The following MLLT3 variants were observed in gnomAD, a reference collection of about 807,000 sequenced individuals.
The protein encoded by MLLT3 is MLLT3 super elongation complex subunit, also known as protein AF-9.
Under a neutral mutation model 53.2 loss-of-function variants are expected in MLLT3, and 4 were observed. The observed-to-expected ratio is 0.08, with a 90% confidence interval of 0.04 to 0.17. The LOEUF (loss-of-function observed/expected upper bound fraction) is 0.17. MLLT3 is among the 10% of genes least tolerant of loss of function. MLLT3 has a pLI of 1.00. For synonymous variants in MLLT3, 283 were observed against 230.6 expected, an observed-to-expected ratio of 1.23 and a Z score of -2.06; for missense variants, 569 against 684.0, an observed-to-expected ratio of 0.83 and a Z score of 1.87.
intron 5 of MLLT3, among the ~76,000 whole-genome samples, chr9:20,401,856 T>C (rs975407027): frequency 6.6e-6 from 1 of 152,204 alleles, no homozygotes; most frequent in African/African-American, 2.4e-5. Flanking sequence ...GGATATTGAA[T>C]AGATAACTAG....
At chr9:20,542,299 G>C (rs923050758) in intron 2 of MLLT3, among the ~76,000 whole-genome samples, 1 of 146,564 alleles carries the variant, frequency 6.8e-6, no homozygotes, top group African/African-American at 2.5e-5. Flanking sequence ...GCCGGACTGC[G>C]GACCGCAGTG....
intron 4 of MLLT3, among the ~76,000 whole-genome samples, chr9:20,443,948 A>G (rs1823622993): frequency 6.6e-6 from 1 of 152,214 alleles, no homozygotes; most frequent in South Asian, 2.1e-4. Flanking sequence ...AACTTTTCCA[A>G]TTGTATCACA....
rs151255813 is a variant in MLLT3 at position 20,464,413 on chromosome 9, G to A, written c.194-7627C>T. On this transcript the variant is annotated intron_variant, in intron 2 of 10. Transcript: ENST00000380338. Reference sequence around the variant, plus strand: ...ATAGAGCAATAAACGTAATTGACAGGTCCCCTGCACTTAATAAACTTATAT... The same window carrying A: ...ATAGAGCAATAAACGTAATTGACAGATCCCCTGCACTTAATAAACTTATAT... Among the ~76,000 whole-genome samples, 658 of 152,116 alleles carry A rather than the reference G, an allele frequency of 4.3e-3. 8 individuals are homozygous for A. Among genetic ancestry groups the A allele is most frequent in the African/African-American group, 0.015 (641 of 41,526 alleles).
chr9:20,560,159 G>A (rs1214383836), intron 2 of MLLT3, among the ~76,000 whole-genome samples: 5 of 152,008 alleles, frequency 3.3e-5, no homozygotes, highest in Admixed American at 3.3e-4. Context: ...GAGGGTTCTG[G>A]AATTATAAGC....
rs111948051 is a variant in MLLT3, at chr9:20,445,116, C to T, written c.420+3007G>A. 4.3e-3 allele frequency among the ~76,000 whole-genome samples: 654 copies of T among 152,036 alleles called. 5 individuals are homozygous for T. The highest frequency in any genetic ancestry group is 0.015 in the African/African-American group (615 of 41,460). On this transcript the variant is annotated intron_variant, in intron 4 of 10. Coordinates refer to ENST00000380338, the MANE Select transcript of MLLT3 (RefSeq NM_004529.4). ...AATTAAAAAAAAAAAGTTCGTCGGG[C>T]TAGATCTTAAATCAAATCCACAATT...
At chr9:20,537,235 A>G (rs1225667237) in intron 2 of MLLT3, among the ~76,000 whole-genome samples, 1 of 152,236 alleles carries the variant, frequency 6.6e-6, no homozygotes, top group Non-Finnish European at 1.5e-5. Context: ...GGCAAGAAAG[A>G]GCTAAGGCCA....
chr9:20,501,939 G>A (rs1825247274), intron 2 of MLLT3, among the ~76,000 whole-genome samples: 2 of 151,602 alleles, frequency 1.3e-5, no homozygotes, highest in African/African-American at 4.8e-5. Flanking sequence ...AAATTAGCTG[G>A]GGGTGGTGAC....
At chr9:20,562,127 T>C (rs950744661) in intron 2 of MLLT3, among the ~76,000 whole-genome samples, 1 of 152,168 alleles carries the variant, frequency 6.6e-6, no homozygotes, top group Non-Finnish European at 1.5e-5. Flanking sequence ...AAGCCATGCA[T>C]GTCAACATTT....
intron 2 of MLLT3, among the ~76,000 whole-genome samples, chr9:20,503,914 A>T (rs1458943699): frequency 6.6e-6 from 1 of 152,230 alleles, no homozygotes; most frequent in Non-Finnish European, 1.5e-5. Context: ...CATTTCTCAA[A>T]AGACGACATA....
intron 2 of MLLT3, among the ~76,000 whole-genome samples, chr9:20,511,306 T>G (rs537628462): frequency 1.7e-4 from 26 of 152,220 alleles, no homozygotes; most frequent in African/African-American, 5.8e-4. Context: ...CAAATGAAAC[T>G]GATCAGACCC....
intron 2 of MLLT3, among the ~76,000 whole-genome samples, chr9:20,568,147 G>C (rs1457802241): frequency 6.6e-6 from 1 of 152,130 alleles, no homozygotes; most frequent in East Asian, 1.9e-4. Context: ...ATCCGCCACT[G>C]AGATATTTAT....
intron 5 of MLLT3, among the ~76,000 whole-genome samples, chr9:20,371,091 G>A (rs1012095358): frequency 3.9e-5 from 6 of 152,206 alleles, no homozygotes; most frequent in Non-Finnish European, 5.9e-5. Context: ...CTAATCAAGA[G>A]CAAAGCCCTA....
Position 20,449,777 on chromosome 9 carries a change from C to T in MLLT3, c.277-1511G>A, listed in dbSNP as rs569871138. 7.9e-5 allele frequency among the ~76,000 whole-genome samples: 12 copies of T among 152,290 alleles called. No individual in the cohort carries two copies. The South Asian group carries it at 2.3e-3, about 29-fold the overall frequency. ...GACATGAAATCTACTTTTCCTCTCT[C>T]TTATCAGGATGCCATTCTCTCCTGG... On this transcript the variant is annotated intron_variant, in intron 3 of 10. Coordinates refer to ENST00000380338, the MANE Select transcript of MLLT3 (RefSeq NM_004529.4).
rs996941873 is a variant in MLLT3, at chr9:20,345,844, G to A, written c.*599C>T. On this transcript the variant is annotated 3_prime_UTR_variant, in exon 11 of 11. Transcript: ENST00000380338. ...TGTCCTGGAACTGGAAAAACAAAAG[G>A]TGGAAAATACAGACTGCAACGAGTT... is the stretch of plus-strand genomic sequence containing the variant. 4.4e-6 allele frequency: 1 copy of A among 225,928 alleles called. No individual in the cohort carries two copies. Among genetic ancestry groups the A allele is most frequent in the African/African-American group, 2.2e-5 (1 of 44,894 alleles). The allele number at this position is 225,928 out of a possible 1,614,324, so 14.0% of individuals were successfully genotyped here.
chr9:20,356,312 A>G (rs556847815), intron 8 of MLLT3, among the ~76,000 whole-genome samples: 1 of 152,304 alleles, frequency 6.6e-6, no homozygotes, highest in South Asian at 2.1e-4. Context: ...AAAATACAAT[A>G]CTTTTGGCAA....
At chr9:20,502,424 GA>G in intron 2 of MLLT3, 1 of 152,450 alleles carries the variant, frequency 6.6e-6, no homozygotes, top group Non-Finnish European at 1.5e-5. Context: ...GTATTTTTAA[GA>G]GGTGAAAAAA....
At chr9:20,560,143 C>T (rs1819164620) in intron 2 of MLLT3, among the ~76,000 whole-genome samples, 1 of 152,036 alleles carries the variant, frequency 6.6e-6, no homozygotes, top group Admixed American at 6.6e-5. Flanking sequence ...TCTGCTTATT[C>T]CTGCTGAGGG....
At chr9:20,406,130 G>GA (rs200383994) in intron 5 of MLLT3, among the ~76,000 whole-genome samples, 245 of 151,510 alleles carry the variant, frequency 1.6e-3, no homozygotes, top group African/African-American at 5.4e-3. Context: ...AAGAAAAAAA[G>GA]AAAAAAAAGC....
intron 8 of MLLT3, among the ~76,000 whole-genome samples, chr9:20,357,101 G>A (rs1821189098): frequency 6.6e-6 from 1 of 152,198 alleles, no homozygotes; most frequent in Non-Finnish European, 1.5e-5. Flanking sequence ...ACAACACCTT[G>A]TCTTCCACAG....
Sources: gnomAD v4.1 joint callset for allele counts (sites outside exome capture counted in the v4.1 genomes callset) on GRCh38, gnomAD v4.1.1 for gene constraint, MANE v1.5 for transcripts, NCBI Gene and HGNC (gene_info 2026-07-23, HGNC 2026-07-21) for gene names.